The following CTPS1 variants were observed in gnomAD, a reference collection of about 807,000 sequenced individuals.
CTPS1 encodes the protein CTP synthase 1.
In CTPS1, 25 loss-of-function variants were observed where a neutral mutation model predicts 80.5. The observed-to-expected ratio is 0.31, with a 90% CI of 0.23 to 0.43. The LOEUF (loss-of-function observed/expected upper bound fraction) is 0.43. CTPS1 is among the 20% of genes least tolerant of loss of function. CTPS1 has a pLI of 1.00. For missense variants in CTPS1, 442 were observed against 725.7 expected (o/e 0.61, Z 4.49); for synonymous variants, 267 against 252.5 (o/e 1.06, Z -0.54).
intron 10 of CTPS1, 35 bp from the exon 11 acceptor site, chr1:41,002,125 G>A (rs1215106556): frequency 1.3e-6 from 2 of 1,596,030 alleles, no homozygotes; most frequent in Non-Finnish European, 1.7e-6. Context: ...TGGTAGAAAA[G>A]GGGAATTGCC....
In CTPS1 at chr1:41,011,922, G is replaced by A. The variant is rs2148423739; in HGVS notation, c.*274G>A. The A allele has an allele frequency of 6.6e-6, 1 of 152,296 alleles. No individual in the cohort carries two copies. The highest frequency in any genetic ancestry group is 1.9e-4 in the East Asian group (1 of 5,182). 9.4% of individuals were successfully genotyped at this position (152,296 alleles called of 1,614,324 possible). A position where few individuals can be genotyped will look rare whatever the true frequency, so the allele number is the denominator to read the frequency against. ...AACCGATGGTGGGTGGGGCTGCAGA[G>A]TGCCCCATCGGTCACCTTGTTTCTC... On this transcript the variant is annotated 3_prime_UTR_variant, in exon 19 of 19. Transcript: ENST00000650070.
chr1:41,007,342 A>G lies in CTPS1; in HGVS notation c.1297-107A>G. 1.1e-6 allele frequency: 1 copy of G among 878,718 alleles called. No individual in the cohort carries two copies. The highest frequency in any genetic ancestry group is 1.8e-6 in the Non-Finnish European group (1 of 554,378). The allele number at this position is 878,718 out of a possible 1,614,324, so 54.4% of individuals were successfully genotyped here. ...AAAATGTCTCATAAGGAAAGCCTGGAGAATTAGAGCTTACTTACAAGCCTT... is the reference window on the plus strand; with the variant it reads ...AAAATGTCTCATAAGGAAAGCCTGGGGAATTAGAGCTTACTTACAAGCCTT... On this transcript the variant is annotated intron_variant, in intron 13 of 18. Coordinates refer to ENST00000650070, the MANE Select transcript of CTPS1 (RefSeq NM_001905.4). This position sits in a 1 kb window ranked among gnomAD's most constrained non-coding sequence, Gnocchi z 4.4.
At chr1:40,988,278 C>CT (rs34538426) in intron 4 of CTPS1, among the ~76,000 whole-genome samples, 23,521 of 138,286 alleles carry the variant, frequency 0.17, 2,035 homozygotes, top group East Asian at 0.3. Flanking sequence ...TTAGGTTTTT[C>CT]TTTTTTTTTT....
At chr1:40,989,045 G>A (rs1456510447) in intron 5 of CTPS1, among the ~76,000 whole-genome samples, 1 of 152,154 alleles carries the variant, frequency 6.6e-6, no homozygotes, top group Non-Finnish European at 1.5e-5. Flanking sequence ...AAGCCGGAAA[G>A]CAGATGGATG....
In CTPS1 at chr1:40,988,701, A is replaced by G. The variant is rs1642520865; in HGVS notation, c.546A>G (p.Leu182=). The G allele has an allele frequency of 1.2e-6, 2 of 1,609,782 alleles. No homozygotes were observed. The highest frequency in any genetic ancestry group is 1.7e-6 in the Non-Finnish European group (2 of 1,176,136). The change falls in exon 5 of 19, where the codon CTA becomes CTG. Residue 182 remains leucine (L), a synonymous_variant. Transcript: ENST00000650070. ...ACTTTTGTAACATCCACGTCAGTCTAGTTCCCCAGGTAAGTAAGACATTGA... is the reference window on the plus strand; with the variant it reads ...ACTTTTGTAACATCCACGTCAGTCTGGTTCCCCAGGTAAGTAAGACATTGA... ...RENFCNIHVS[L]VPQPSSTGEQ... is the part of the protein sequence containing the mutation.
At chr1:41,002,872 A>G (rs1642937665) in intron 11 of CTPS1, among the ~76,000 whole-genome samples, 3 of 152,196 alleles carry the variant, frequency 2.0e-5, no homozygotes, top group African/African-American at 7.2e-5. Context: ...ATAGAATATC[A>G]CTTACTTCTA....
intron 4 of CTPS1, among the ~76,000 whole-genome samples, chr1:40,988,066 C>T (rs60921959): frequency 0.064 from 9,764 of 152,068 alleles, 838 homozygotes; most frequent in African/African-American, 0.2. Context: ...TGCGCACCAC[C>T]ATGCCCGGCT....
chr1:40,993,010 A>G (rs1224637057), intron 7 of CTPS1, among the ~76,000 whole-genome samples: 2 of 151,534 alleles, frequency 1.3e-5, no homozygotes, highest in Non-Finnish European at 1.5e-5. Flanking sequence ...TCACTATTAA[A>G]AATGTAACAA....
chr1:40,986,465 C>T (rs971097682), intron 3 of CTPS1, among the ~76,000 whole-genome samples: 7 of 152,170 alleles, frequency 4.6e-5, no homozygotes, highest in Non-Finnish European at 7.3e-5. Flanking sequence ...GGAGTGTACT[C>T]GGAGGAGTGG....
At chr1:40,993,611 T>C (rs1642672335) in intron 7 of CTPS1, among the ~76,000 whole-genome samples, 1 of 152,182 alleles carries the variant, frequency 6.6e-6, no homozygotes, top group Admixed American at 6.5e-5. Flanking sequence ...AATGTTGAGA[T>C]TACAGGCGTG....
intron 12 of CTPS1, 21 bp downstream of exon 12, chr1:41,003,197 T>C (rs745968343): frequency 6.2e-7 from 1 of 1,613,412 alleles, no homozygotes; most frequent in Non-Finnish European, 8.5e-7. Context: ...ATTAAGACAC[T>C]CATTCAATTC....
chr1:40,986,952 T>C (rs767189918), intron 3 of CTPS1, among the ~76,000 whole-genome samples: 8 of 152,216 alleles, frequency 5.3e-5, no homozygotes, highest in Non-Finnish European at 4.4e-5. Flanking sequence ...CAGTGGATTG[T>C]CTACCCTTTG....
intron 8 of CTPS1, chr1:40,997,156 A>G: frequency 2.4e-6 from 1 of 418,060 alleles, no homozygotes; most frequent in Admixed American, 4.3e-5. Flanking sequence ...TTTTTGAGGC[A>G]GGGTCTCACA....
At chr1:40,990,913 G>C (rs1642590248) in intron 5 of CTPS1, among the ~76,000 whole-genome samples, 1 of 152,212 alleles carries the variant, frequency 6.6e-6, no homozygotes, top group Non-Finnish European at 1.5e-5. Context: ...GATCAGTTAA[G>C]AGTTGAAGAG....
intron 1 of CTPS1, 46 bp downstream of exon 1, chr1:40,979,875 A>C (rs1386327036): frequency 6.6e-6 from 1 of 152,130 alleles, no homozygotes; most frequent in African/African-American, 2.4e-5. Context: ...TCTCCCGCGC[A>C]GGAGTCAGCG....
chr1:40,984,010 A>G (rs1642386301), intron 2 of CTPS1, among the ~76,000 whole-genome samples: 1 of 152,212 alleles, frequency 6.6e-6, no homozygotes, highest in Non-Finnish European at 1.5e-5. Flanking sequence ...AGATGTTAAA[A>G]CATACCTCTT....
chr1:40,997,177 G>T, intron 8 of CTPS1: 1 of 505,584 alleles, frequency 2.0e-6, no homozygotes, highest in Non-Finnish European at 3.5e-6. Context: ...CTGTTGCCCA[G>T]GCTGTAGTGC....
intron 18 of CTPS1, among the ~76,000 whole-genome samples, chr1:41,011,332 C>T (rs1038633825): frequency 3.9e-5 from 6 of 152,152 alleles, no homozygotes; most frequent in African/African-American, 1.4e-4. Context: ...GAACTGTTAC[C>T]AGTGAAGGAG....
intron 9 of CTPS1, among the ~76,000 whole-genome samples, chr1:40,999,883 C>T (rs1642858383): frequency 6.6e-6 from 1 of 152,194 alleles, no homozygotes; most frequent in African/African-American, 2.4e-5. Flanking sequence ...CTGACTGGCT[C>T]AAGCCCATAA....
Sources: gnomAD v4.1 joint callset for allele counts (sites outside exome capture counted in the v4.1 genomes callset) on GRCh38, gnomAD v4.1.1 for gene constraint, Gnocchi (gnomAD v3.1) non-coding constraint, MANE v1.5 for transcripts, NCBI Gene and HGNC (gene_info 2026-07-23, HGNC 2026-07-21) for gene names.